Variants in PDE7B observed in about 807,000 individuals in gnomAD.
PDE7B encodes the protein phosphodiesterase 7B.
In PDE7B, 29 loss-of-function variants were observed where a neutral mutation model predicts 56.2. The ratio of observed to expected loss-of-function variants is 0.52; its 90% CI spans 0.38 to 0.70. The LOEUF is 0.70. Among genes scored for constraint, PDE7B ranks in the 30% least tolerant of loss-of-function variants. The probability of loss-of-function intolerance (pLI) is 0.00; values close to 1 mark genes in which losing one functional copy is unlikely to be tolerated. For synonymous variants in PDE7B, 197 were observed against 196.9 expected (o/e 1.00, Z 0.00); for missense variants, 490 against 565.0 (o/e 0.87, Z 1.35).
chr6:135,863,373 A>G (rs190322814), intron 1 of PDE7B, among the ~76,000 whole-genome samples: 227 of 152,160 alleles, frequency 1.5e-3, no homozygotes, highest in Admixed American at 3.7e-3. Flanking sequence ...TAAAATTTAA[A>G]CTAGTATTTT....
At chr6:136,178,879 TAA>T (rs760103662) in intron 9 of PDE7B, 116 bp from the exon 10 acceptor site, 19 of 1,085,444 alleles carry the variant, frequency 1.8e-5, no homozygotes, top group Non-Finnish European at 2.6e-5. Context: ...CATTGTGTAA[TAA>T]ACAGAATCAA....
At chr6:135,928,443 ATATATTTATT>A (rs1774228257) in intron 1 of PDE7B, among the ~76,000 whole-genome samples, 1 of 120,036 alleles carries the variant, frequency 8.3e-6, no homozygotes, top group Non-Finnish European at 1.7e-5. Context: ...ATATATATAT[ATATATTTATT>A]TATATATATA....
chr6:135,897,495 C>A (rs1416766067), intron 1 of PDE7B, among the ~76,000 whole-genome samples: 2 of 152,080 alleles, frequency 1.3e-5, no homozygotes, highest in Non-Finnish European at 2.9e-5. Context: ...CTGAACTATA[C>A]AGAAGAGAAA....
In PDE7B at chr6:136,122,446, T is replaced by C. The variant is rs73561338; in HGVS notation, c.166+13632T>C. 7.4e-3 allele frequency among the ~76,000 whole-genome samples: 1,124 copies of C among 152,320 alleles called. 5 individuals are homozygous for C. The highest frequency in any genetic ancestry group is 0.024 in the African/African-American group (996 of 41,572). On this transcript the variant is annotated intron_variant, in intron 3 of 12. Coordinates refer to ENST00000308191, the MANE Select transcript of PDE7B (RefSeq NM_018945.4). ...AGAAAGAGTCAGTTTTTCCTGGGTA[T>C]ACAGTGAAAACACATTCCCTCTTCA...
At chr6:136,052,921 C>T (rs974117941) in intron 2 of PDE7B, among the ~76,000 whole-genome samples, 5 of 152,156 alleles carry the variant, frequency 3.3e-5, no homozygotes, top group Non-Finnish European at 7.4e-5. Flanking sequence ...CGGACATATT[C>T]TTGATCCCTT....
At chr6:136,169,268 CT>C (rs1408979025) in intron 8 of PDE7B, among the ~76,000 whole-genome samples, 1 of 152,136 alleles carries the variant, frequency 6.6e-6, no homozygotes, top group Non-Finnish European at 1.5e-5. Context: ...CATGGTGCCC[CT>C]ATTTCCACCG....
intron 1 of PDE7B, among the ~76,000 whole-genome samples, chr6:135,933,012 G>C (rs1330710641): frequency 6.6e-6 from 1 of 152,156 alleles, no homozygotes; most frequent in Non-Finnish European, 1.5e-5. Flanking sequence ...AAAACCTTCT[G>C]TGTGTTATCT....
chr6:136,125,817 A>G (rs1778014003), intron 3 of PDE7B, among the ~76,000 whole-genome samples: 1 of 152,086 alleles, frequency 6.6e-6, no homozygotes, highest in Non-Finnish European at 1.5e-5. Flanking sequence ...AACCCATTAC[A>G]CAACAGCCTT....
At chr6:136,052,507 C>G (rs1776647037) in intron 2 of PDE7B, among the ~76,000 whole-genome samples, 3 of 152,032 alleles carry the variant, frequency 2.0e-5, no homozygotes, top group Admixed American at 2.0e-4. Flanking sequence ...CTGAGGAGTT[C>G]CAACTGGGGC....
intron 3 of PDE7B, among the ~76,000 whole-genome samples, chr6:136,120,057 G>T (rs1777905167): frequency 6.6e-6 from 1 of 152,122 alleles, no homozygotes; most frequent in Admixed American, 6.5e-5. Flanking sequence ...GGTTATTGTG[G>T]GAAGTAGTGA....
rs113993015 is a variant in PDE7B, at chr6:136,154,743, C to G, written c.579+568C>G. ...AAATTAAAAACATTGTAATAATGCT[C>G]AATACTCAACATTCAGGCAGTCCTT... is the stretch of plus-strand genomic sequence containing the variant. On this transcript the variant is annotated intron_variant, in intron 7 of 12. Coordinates refer to ENST00000308191, the MANE Select transcript of PDE7B (RefSeq NM_018945.4). 2.4e-3 allele frequency among the ~76,000 whole-genome samples: 368 copies of G among 152,336 alleles called. 1 individual carries two copies. Among genetic ancestry groups the G allele is most frequent in the African/African-American group, 8.6e-3 (356 of 41,578 alleles).
At chr6:135,895,400 G>A (rs1032884837) in intron 1 of PDE7B, among the ~76,000 whole-genome samples, 10 of 152,082 alleles carry the variant, frequency 6.6e-5, no homozygotes, top group African/African-American at 9.7e-5. Flanking sequence ...AACCTGGAAC[G>A]GGGAGAGAAA....
At chr6:136,053,834 T>A (rs1583852927) in intron 2 of PDE7B, among the ~76,000 whole-genome samples, 1 of 152,192 alleles carries the variant, frequency 6.6e-6, no homozygotes, top group Non-Finnish European at 1.5e-5. Flanking sequence ...TTTTCATGTG[T>A]TTTTTGGCTG....
chr6:135,942,381 T>TTA, intron 1 of PDE7B, among the ~76,000 whole-genome samples: 1 of 152,160 alleles, frequency 6.6e-6, no homozygotes, highest in Non-Finnish European at 1.5e-5. Flanking sequence ...CAAATTAAAA[T>TTA]TATATATATC....
intron 1 of PDE7B, among the ~76,000 whole-genome samples, chr6:135,913,874 C>G (rs1776252309): frequency 6.6e-6 from 1 of 152,156 alleles, no homozygotes; most frequent in Admixed American, 6.5e-5. Context: ...GAATGATGAG[C>G]TTGTCATTTT....
chr6:136,075,151 C>T (rs541455371), intron 2 of PDE7B, among the ~76,000 whole-genome samples: 8 of 152,158 alleles, frequency 5.3e-5, no homozygotes, highest in Non-Finnish European at 1.0e-4. Flanking sequence ...TACCTACTGT[C>T]TTCTCTTGGG....
At chr6:136,092,737 GACA>G (rs1338091618) in intron 2 of PDE7B, among the ~76,000 whole-genome samples, 2 of 152,146 alleles carry the variant, frequency 1.3e-5, no homozygotes, top group African/African-American at 4.8e-5. Context: ...CTCCAGCCTG[GACA>G]ACAAGAGCGA....
chr6:136,082,438 C>T (rs905565054), intron 2 of PDE7B, among the ~76,000 whole-genome samples: 2 of 152,134 alleles, frequency 1.3e-5, no homozygotes, highest in Non-Finnish European at 2.9e-5. Flanking sequence ...AATCTGATCA[C>T]CTAATCATCT....
chr6:136,115,977 G>A (rs1777823906), intron 3 of PDE7B, among the ~76,000 whole-genome samples: 1 of 152,164 alleles, frequency 6.6e-6, no homozygotes, highest in Non-Finnish European at 1.5e-5. Flanking sequence ...GGGCTAGAAA[G>A]GAAACTATGA....
Sources: allele counts gnomAD v4.1 joint callset (sites outside exome capture counted in the v4.1 genomes callset), GRCh38; gene constraint gnomAD v4.1.1; transcripts MANE v1.5; gene names NCBI Gene and HGNC (gene_info 2026-07-23, HGNC 2026-07-21).